GRM7: variants seen among roughly 807,000 people sequenced by gnomAD.
GRM7 encodes the protein glutamate metabotropic receptor 7, also known as metabotropic glutamate receptor 7.
Under a neutral mutation model 84.5 loss-of-function variants are expected in GRM7, and 35 were observed. The observed-to-expected ratio is 0.41, with a 90% CI of 0.32 to 0.55. The LOEUF is 0.55. GRM7 is among the 20% of genes least tolerant of loss of function. The pLI is 0.19. For missense variants in GRM7, 1,003 were observed against 1,194.6 expected (o/e 0.84, Z 2.36); for synonymous variants, 487 against 455.1 (o/e 1.07, Z -0.89).
At chr3:6,947,218 C>G (rs56693790) in intron 1 of GRM7, among the ~76,000 whole-genome samples, 9,774 of 151,868 alleles carry the variant, frequency 0.064, 432 homozygotes, top group African/African-American at 0.12. Context: ...TTATTTTGAG[C>G]TATGTCCCAT....
intron 1 of GRM7, among the ~76,000 whole-genome samples, chr3:6,916,885 G>T (rs948115760): frequency 1.3e-5 from 2 of 152,066 alleles, no homozygotes; most frequent in African/African-American, 4.8e-5. Flanking sequence ...CTAAGAAACT[G>T]AAATGGTGGC....
chr3:7,499,798 G>A (rs1447705687), intron 7 of GRM7, among the ~76,000 whole-genome samples: 8 of 142,772 alleles, frequency 5.6e-5, no homozygotes, highest in African/African-American at 1.6e-4. Flanking sequence ...TTTTTGAGAT[G>A]GAGTCTTGCT....
intron 2 of GRM7, among the ~76,000 whole-genome samples, chr3:7,238,822 C>G (rs1488906295): frequency 6.9e-6 from 1 of 144,698 alleles, no homozygotes; most frequent in Non-Finnish European, 1.5e-5. Context: ...CTTTTCCCTC[C>G]TCTCCTCTCC....
chr3:7,108,365 T>C (rs1183938786), intron 1 of GRM7, among the ~76,000 whole-genome samples: 4 of 152,040 alleles, frequency 2.6e-5, no homozygotes, highest in Non-Finnish European at 4.4e-5. Context: ...TTGTGAAGAA[T>C]TGGAATGGTA....
At chr3:7,735,557 C>T (rs944129173) in intron 9 of GRM7, among the ~76,000 whole-genome samples, 2 of 152,148 alleles carry the variant, frequency 1.3e-5, no homozygotes, top group Non-Finnish European at 2.9e-5. Context: ...TAGCCCAACA[C>T]ATAATACATG....
intron 1 of GRM7, among the ~76,000 whole-genome samples, chr3:6,887,519 T>A (rs968735947): frequency 2.0e-5 from 3 of 152,130 alleles, no homozygotes. Flanking sequence ...CTGAGAATGA[T>A]GATTTCCAAT....
At chr3:6,921,834 C>G (rs79551634) in intron 1 of GRM7, among the ~76,000 whole-genome samples, 7 of 152,030 alleles carry the variant, frequency 4.6e-5, no homozygotes, top group South Asian at 2.1e-4. Context: ...TCCTCTCCCC[C>G]CAAATCACAG....
At chr3:7,540,096 ATG>A (rs1692788143) in intron 7 of GRM7, among the ~76,000 whole-genome samples, 1 of 152,272 alleles carries the variant, frequency 6.6e-6, no homozygotes, top group Non-Finnish European at 1.5e-5. Context: ...ATTGACAAGA[ATG>A]TGGAGAAATC....
At chr3:7,216,197 A>G (rs1696603826) in intron 2 of GRM7, among the ~76,000 whole-genome samples, 1 of 152,192 alleles carries the variant, frequency 6.6e-6, no homozygotes, top group African/African-American at 2.4e-5. Flanking sequence ...CTAATTGAAC[A>G]GGTGACTTTA....
intron 8 of GRM7, among the ~76,000 whole-genome samples, chr3:7,645,798 C>T (rs1698609713): frequency 6.6e-6 from 1 of 152,264 alleles, no homozygotes; most frequent in Admixed American, 6.5e-5. Context: ...ATTTAGCCCC[C>T]ACAGGTGGTC....
chr3:7,531,389 A>G (rs1701030854), intron 7 of GRM7, among the ~76,000 whole-genome samples: 1 of 151,996 alleles, frequency 6.6e-6, no homozygotes, highest in African/African-American at 2.4e-5. Flanking sequence ...TTGAATCTAT[A>G]GATTAGTTTG....
At chr3:7,068,701 C>G (rs143878328) in intron 1 of GRM7, among the ~76,000 whole-genome samples, 2 of 151,958 alleles carry the variant, frequency 1.3e-5, no homozygotes, top group African/African-American at 4.8e-5. Flanking sequence ...TCTCCTGAAC[C>G]CTATTACTTT....
intron 1 of GRM7, among the ~76,000 whole-genome samples, chr3:6,974,127 A>G (rs1268002229): frequency 1.3e-5 from 2 of 152,206 alleles, no homozygotes; most frequent in Non-Finnish European, 1.5e-5. Context: ...GATGCAAAAC[A>G]TGAAAGTAAA....
At chr3:7,641,493 G>C (rs1034410671) in intron 8 of GRM7, among the ~76,000 whole-genome samples, 6 of 152,226 alleles carry the variant, frequency 3.9e-5, no homozygotes, top group Admixed American at 2.0e-4. Flanking sequence ...TAGGGCAGTG[G>C]TTTTTAACCC....
intron 1 of GRM7, among the ~76,000 whole-genome samples, chr3:6,954,498 A>G (rs1692940947): frequency 6.6e-6 from 1 of 152,170 alleles, no homozygotes; most frequent in Non-Finnish European, 1.5e-5. Flanking sequence ...AGGTCTGAAC[A>G]CCTGTAACTG....
At chr3:7,147,778 A>C (rs772811679) in intron 2 of GRM7, among the ~76,000 whole-genome samples, 1 of 152,128 alleles carries the variant, frequency 6.6e-6, no homozygotes. Context: ...TGAGATTCTT[A>C]TTCTCTTCCT....
At chr3:7,494,556 C>T (rs1474021299) in intron 7 of GRM7, among the ~76,000 whole-genome samples, 1 of 152,120 alleles carries the variant, frequency 6.6e-6, no homozygotes, top group Non-Finnish European at 1.5e-5. Flanking sequence ...GCTTCACTCT[C>T]TTTCTCTTCT....
At chr3:7,403,877 C>T (rs975552469) in intron 4 of GRM7, among the ~76,000 whole-genome samples, 2 of 151,306 alleles carry the variant, frequency 1.3e-5, no homozygotes, top group African/African-American at 4.9e-5. Flanking sequence ...ATTAAGGGGA[C>T]CTTGTCTCTC....
chr3:7,506,261 T>G (rs1410549472), intron 7 of GRM7, among the ~76,000 whole-genome samples: 1 of 152,196 alleles, frequency 6.6e-6, no homozygotes, highest in Non-Finnish European at 1.5e-5. Flanking sequence ...TCTGAGACCT[T>G]ATCAGAATAG....
Sources: gnomAD v4.1 joint callset for allele counts (sites outside exome capture counted in the v4.1 genomes callset) on GRCh38, gnomAD v4.1.1 for gene constraint, MANE v1.5 for transcripts, NCBI Gene and HGNC (gene_info 2026-07-23, HGNC 2026-07-21) for gene names.